CCDC30: variants seen among roughly 807,000 people sequenced by gnomAD.
CCDC30 encodes coiled-coil domain containing 30, also known as coiled-coil domain-containing protein 30.
A neutral mutation model predicts 100.2 loss-of-function variants in CCDC30; 70 were observed. The ratio of observed to expected loss-of-function variants is 0.70; its 90% CI spans 0.58 to 0.85. The LOEUF (loss-of-function observed/expected upper bound fraction) is 0.85, where lower values mean the gene tolerates loss of function less well. Among genes scored for constraint, CCDC30 ranks in the 40% least tolerant of loss-of-function variants. CCDC30 has a pLI of 0.00. For synonymous variants in CCDC30, 233 were observed against 269.5 expected (o/e 0.86, Z 1.33); for missense variants, 652 against 771.2 (o/e 0.85, Z 1.83).
At chr1:42,553,942 TAG>T (rs958517629) in intron 6 of CCDC30, among the ~76,000 whole-genome samples, 2 of 152,162 alleles carry the variant, frequency 1.3e-5, no homozygotes, top group African/African-American at 4.8e-5. Context: ...AAACACTCCC[TAG>T]ACACAATTTT....
intron 11 of CCDC30, among the ~76,000 whole-genome samples, chr1:42,630,070 G>A (rs1409236426): frequency 6.7e-6 from 1 of 148,466 alleles, no homozygotes; most frequent in Non-Finnish European, 1.5e-5. Context: ...TAGCTCCCGG[G>A]TTCAAGCGAT....
chr1:42,656,147 G>A (rs1648650956), downstream of CCDC30, among the ~76,000 whole-genome samples: 1 of 152,014 alleles, frequency 6.6e-6, no homozygotes, highest in African/African-American at 2.4e-5. Context: ...TAGGATTATA[G>A]GATGAGCCTC....
intron 6 of CCDC30, among the ~76,000 whole-genome samples, chr1:42,517,372 C>G (rs1211822362): frequency 6.6e-6 from 1 of 152,162 alleles, no homozygotes; most frequent in East Asian, 1.9e-4. Flanking sequence ...TGTGAGCCAC[C>G]ACACTTGGCC....
chr1:42,584,824 C>T (rs765994549), intron 9 of CCDC30, among the ~76,000 whole-genome samples: 1 of 152,130 alleles, frequency 6.6e-6, no homozygotes, highest in African/African-American at 2.4e-5. Context: ...TGAACCTGTT[C>T]ATGAAGGTAT....
intron 6 of CCDC30, among the ~76,000 whole-genome samples, chr1:42,546,371 G>C (rs1380622396): frequency 1.1e-5 from 1 of 87,864 alleles, no homozygotes; most frequent in Admixed American, 1.5e-4. Context: ...GGCAACAAGA[G>C]TGAAATTCTG....
At chr1:42,519,235 G>A (rs1412294112) in intron 6 of CCDC30, among the ~76,000 whole-genome samples, 1 of 152,174 alleles carries the variant, frequency 6.6e-6, no homozygotes, top group Non-Finnish European at 1.5e-5. Context: ...GCATTGGCCT[G>A]TAGTTTACTT....
chr1:42,501,709 C>A (rs1644315224), intron 6 of CCDC30, among the ~76,000 whole-genome samples: 1 of 152,140 alleles, frequency 6.6e-6, no homozygotes, highest in South Asian at 2.1e-4. Context: ...TTGGAGTTTG[C>A]TGGAGGTCCA....
chr1:42,643,720 C>T (rs961932486), intron 13 of CCDC30, among the ~76,000 whole-genome samples: 4 of 152,150 alleles, frequency 2.6e-5, no homozygotes, highest in African/African-American at 9.7e-5. Flanking sequence ...GTGTATATTT[C>T]ATCAGGTTGC....
chr1:42,576,334 A>T (rs1645836889), intron 7 of CCDC30, among the ~76,000 whole-genome samples: 1 of 152,196 alleles, frequency 6.6e-6, no homozygotes. Flanking sequence ...GTGCTAAATG[A>T]TTGGAATTGG....
chr1:42,589,170 G>T, intron 9 of CCDC30, 151 bp from the exon 14 acceptor site: 1 of 478,558 alleles, frequency 2.1e-6, no homozygotes, highest in Non-Finnish European at 3.6e-6. Flanking sequence ...CACAAAAGAG[G>T]TTCCCTGTGT....
Position 42,501,838 on chromosome 1 carries a change from G to A in CCDC30, c.456+2922G>A, listed in dbSNP as rs189955031. On this transcript the variant is annotated intron_variant, in intron 6 of 16. Transcript: ENST00000668663. Reference sequence around the variant, plus strand: ...GAAGCTTTGTCTCAGAGGGGCACCCGGCCATATGAGGTGTCAGTCTGCCCC... The same window carrying A: ...GAAGCTTTGTCTCAGAGGGGCACCCAGCCATATGAGGTGTCAGTCTGCCCC... Among the ~76,000 whole-genome samples the A allele has an allele frequency of 2.8e-3, 422 of 152,184 alleles. 1 individual carries two copies. Among genetic ancestry groups the A allele is most frequent in the Non-Finnish European group, 4.8e-3 (329 of 67,998 alleles).
chr1:42,456,138 C>T, the CCDC30 span: 2,733 of 694,150 alleles, frequency 3.9e-3, 8 homozygotes, highest in Middle Eastern at 6.1e-3. Context: ...CGACTAACAT[C>T]TGGGTGTATT....
rs113161509 is a variant in CCDC30, at chr1:42,633,583, C to T, written c.1278-3654C>T. On this transcript the variant is annotated intron_variant, in intron 11 of 16. Transcript: ENST00000668663. The stretch of plus-strand genomic sequence containing the variant: ...TTTTTGTTTTTTTCCACCAGGAAAC[C>T]GGGAGGGAGACCAAATCTATCTTTG... Among the ~76,000 whole-genome samples, 969 of 152,128 alleles carry T rather than the reference C, an allele frequency of 6.4e-3. 9 individuals carry two copies. Among genetic ancestry groups the T allele is most frequent in the African/African-American group, 0.022 (907 of 41,504 alleles).
chr1:42,616,898 A>C lies in CCDC30; in HGVS notation c.1277+5808A>C, dbSNP rs546597286. ...CAAATAATAGGAGACTAATTAGGTAAAGTATAATACAGTCACTTAATAGGA... is the reference window on the plus strand; with the variant it reads ...CAAATAATAGGAGACTAATTAGGTACAGTATAATACAGTCACTTAATAGGA... On this transcript the variant is annotated intron_variant, in intron 11 of 16. Transcript: ENST00000668663. Among the ~76,000 whole-genome samples the C allele has an allele frequency of 5.3e-5, 8 of 152,354 alleles. No individual in the cohort carries two copies. In the East Asian group the frequency reaches 1.3e-3, roughly 26 times the overall value.
upstream of CCDC30, among the ~76,000 whole-genome samples, chr1:42,458,589 A>G (rs1643308156): frequency 6.6e-6 from 1 of 152,244 alleles, no homozygotes; most frequent in South Asian, 2.1e-4. Context: ...AGTAGTGATA[A>G]ATGCTAAGGA....
chr1:42,459,962 G>T, upstream of CCDC30: 8 of 1,542,656 alleles, frequency 5.2e-6, no homozygotes, highest in Non-Finnish European at 6.1e-6. Context: ...AATTGTTCAG[G>T]GCTCTTAGAG....
At chr1:42,504,349 A>G (rs991007070) in intron 6 of CCDC30, among the ~76,000 whole-genome samples, 1 of 152,162 alleles carries the variant, frequency 6.6e-6, no homozygotes, top group African/African-American at 2.4e-5. Flanking sequence ...TTGGGGCCAG[A>G]TTTCAGGGGG....
intron 9 of CCDC30, among the ~76,000 whole-genome samples, chr1:42,583,772 G>A (rs1030231530): frequency 4.6e-5 from 7 of 152,132 alleles, no homozygotes; most frequent in Non-Finnish European, 7.3e-5. Flanking sequence ...TCTGTATGGC[G>A]TCATCTTTGC....
intron 8 of CCDC30, among the ~76,000 whole-genome samples, chr1:42,579,392 G>C (rs1645913123): frequency 6.6e-6 from 1 of 151,926 alleles, no homozygotes; most frequent in Non-Finnish European, 1.5e-5. Flanking sequence ...CCAGCACTTT[G>C]GGAGGCCAAG....
Sources: gnomAD v4.1 joint callset for allele counts (sites outside exome capture counted in the v4.1 genomes callset) on GRCh38, gnomAD v4.1.1 for gene constraint, MANE v1.5 for transcripts, NCBI Gene and HGNC (gene_info 2026-07-23, HGNC 2026-07-21) for gene names.